The following CSMD3 variants were observed in gnomAD, a reference collection of about 807,000 sequenced individuals.
CSMD3 encodes CUB and sushi domain-containing protein 3.
A neutral mutation model predicts 435.2 loss-of-function variants in CSMD3; 177 were observed. That is an observed-to-expected ratio of 0.41 (90% CI 0.36 to 0.46). The LOEUF (loss-of-function observed/expected upper bound fraction) is 0.46. Among genes scored for constraint, CSMD3 ranks in the 20% least tolerant of loss-of-function variants. The pLI, the probability that CSMD3 is intolerant of heterozygous loss-of-function variation, is 0.34. For synonymous variants in CSMD3, 1,656 were observed against 1,520.5 expected (o/e 1.09, Z -2.07); for missense variants, 4,265 against 4,504.6 (o/e 0.95, Z 1.52).
intron 6 of CSMD3, among the ~76,000 whole-genome samples, chr8:112,994,776 A>G (rs948705465): frequency 4.1e-4 from 62 of 151,514 alleles, no homozygotes; most frequent in African/African-American, 1.3e-3. Flanking sequence ...CATATGTGCC[A>G]TGTTTACTTA....
chr8:112,638,882 A>G lies in CSMD3; in HGVS notation c.3340T>C (p.Leu1114=), dbSNP rs745321954. ...AGTAAGTAGTCATGATGGTCTTCCA[A>G]ATGAAAAGTGTGGAAGTTGAACTGC... ...GVQFNFHTFH[L]EDHHDYLLIT... is the part of the protein sequence containing the mutation. Residue 1114 remains leucine, a synonymous_variant, in exon 21 of 71, where the codon TTG becomes CTG. Transcript: ENST00000297405. 9.3e-6 allele frequency: 15 copies of G among 1,612,882 alleles called. No homozygotes were observed. Among genetic ancestry groups the G allele is most frequent in the Admixed American group, 6.7e-5 (4 of 59,842 alleles).
intron 35 of CSMD3, among the ~76,000 whole-genome samples, chr8:112,400,235 C>T (rs1831203435): frequency 6.6e-6 from 1 of 152,048 alleles, no homozygotes; most frequent in Admixed American, 6.6e-5. Context: ...CTGATGAGGG[C>T]CCTTTTCTTG....
At chr8:112,350,493 T>C (rs775119714) in intron 40 of CSMD3, among the ~76,000 whole-genome samples, 17 of 152,106 alleles carry the variant, frequency 1.1e-4, no homozygotes, top group Non-Finnish European at 2.1e-4. Flanking sequence ...TGATAACAAA[T>C]TCATTTATTT....
intron 22 of CSMD3, among the ~76,000 whole-genome samples, chr8:112,605,589 A>T (rs1832725907): frequency 6.6e-6 from 1 of 152,008 alleles, no homozygotes; most frequent in South Asian, 2.1e-4. Context: ...GTACACATGG[A>T]AACAAAGAAG....
At chr8:113,319,875 T>C (rs564355094) in intron 1 of CSMD3, among the ~76,000 whole-genome samples, 1 of 152,214 alleles carries the variant, frequency 6.6e-6, no homozygotes, top group East Asian at 1.9e-4. Flanking sequence ...CTACAATTCC[T>C]TATTGTTCTT....
At position 113,173,876 on chromosome 8, in the gene CSMD3, G is replaced by C. The variant is rs2131891740; in HGVS notation, c.555C>G (p.Pro185=). 6.2e-7 allele frequency: 1 copy of C among 1,613,702 alleles called. No homozygotes were observed. Among genetic ancestry groups the C allele is most frequent in the Non-Finnish European group, 8.5e-7 (1 of 1,179,772 alleles). The change falls in exon 4 of 71, where the codon CCC becomes CCG. Residue 185 remains proline (P), a synonymous_variant. Coordinates refer to ENST00000297405, the MANE Select transcript of CSMD3 (RefSeq NM_198123.2). ...SSSCGNPGVP[P]KGVLYGTRFD... is the part of the protein sequence containing the mutation. ...ATCTTGTGCCATATAATACACCTTT[G>C]GGTGGAACACCAGGATTTCCACAAG...
chr8:113,067,700 G>A (rs1287237515), intron 5 of CSMD3, among the ~76,000 whole-genome samples: 1 of 151,932 alleles, frequency 6.6e-6, no homozygotes, highest in African/African-American at 2.4e-5. Flanking sequence ...CAAAAATAGT[G>A]ACTTATTTTG....
intron 11 of CSMD3, among the ~76,000 whole-genome samples, chr8:112,843,057 T>C (rs1195074811): frequency 5.3e-5 from 8 of 151,824 alleles, no homozygotes. Flanking sequence ...AAAATAAACA[T>C]AAATGCTTTC....
chr8:112,265,647 G>A (rs933185582), intron 59 of CSMD3, 57 bp from the exon 60 acceptor site: 3 of 1,203,908 alleles, frequency 2.5e-6, no homozygotes, highest in Non-Finnish European at 3.7e-6. Context: ...TTAATGGAGA[G>A]GAGTAGTAAG....
chr8:112,272,884 C>T (rs1021406406), intron 59 of CSMD3, among the ~76,000 whole-genome samples: 3 of 151,976 alleles, frequency 2.0e-5, no homozygotes, highest in Non-Finnish European at 2.9e-5. Context: ...TTTATTTACG[C>T]TTTTGGTTTG....
At chr8:112,675,798 G>T (rs1480346715) in intron 16 of CSMD3, among the ~76,000 whole-genome samples, 1 of 152,046 alleles carries the variant, frequency 6.6e-6, no homozygotes, top group Admixed American at 6.6e-5. Flanking sequence ...GAATAGAACT[G>T]AATAAAAGCA....
chr8:112,802,963 G>A (rs2078994299), intron 12 of CSMD3, among the ~76,000 whole-genome samples: 1 of 151,974 alleles, frequency 6.6e-6, no homozygotes, highest in Non-Finnish European at 1.5e-5. Flanking sequence ...CAAGGATATT[G>A]CCTGCAATTC....
At chr8:113,061,160 G>C (rs1004812375) in intron 5 of CSMD3, among the ~76,000 whole-genome samples, 12 of 151,996 alleles carry the variant, frequency 7.9e-5, no homozygotes, top group African/African-American at 2.9e-4. Flanking sequence ...CTCCTTCTCA[G>C]ATCTTTTAAG....
intron 5 of CSMD3, among the ~76,000 whole-genome samples, chr8:113,082,196 C>G (rs1410882904): frequency 6.6e-6 from 1 of 152,034 alleles, no homozygotes; most frequent in Non-Finnish European, 1.5e-5. Flanking sequence ...AATGGGGCAG[C>G]TGTGCCTTTG....
chr8:112,286,786 A>C (rs1819248935), intron 58 of CSMD3, among the ~76,000 whole-genome samples: 1 of 152,134 alleles, frequency 6.6e-6, no homozygotes, highest in African/African-American at 2.4e-5. Flanking sequence ...GGAAAGAATA[A>C]ATATTTTTAA....
At chr8:112,246,752 A>T (rs1814767101) in intron 64 of CSMD3, among the ~76,000 whole-genome samples, 1 of 152,182 alleles carries the variant, frequency 6.6e-6, no homozygotes, top group Non-Finnish European at 1.5e-5. Flanking sequence ...CCTAATCATT[A>T]CCTAAAATTA....
chr8:112,403,879 A>G (rs911121428), intron 35 of CSMD3, among the ~76,000 whole-genome samples: 5 of 152,214 alleles, frequency 3.3e-5, no homozygotes, highest in African/African-American at 1.2e-4. Context: ...TAGCTAAAAG[A>G]TAAGAAAATT....
At chr8:113,154,702 G>T (rs918653846) in intron 4 of CSMD3, among the ~76,000 whole-genome samples, 24 of 152,138 alleles carry the variant, frequency 1.6e-4, no homozygotes, top group African/African-American at 5.8e-4. Flanking sequence ...AGAATGGAAT[G>T]CTGAAACAAC....
intron 1 of CSMD3, among the ~76,000 whole-genome samples, chr8:113,337,552 A>C (rs2094085867): frequency 6.6e-6 from 1 of 152,156 alleles, no homozygotes; most frequent in Admixed American, 6.6e-5. Context: ...ACATAGAAGT[A>C]AAACTTTATG....
Sources: gnomAD v4.1 joint callset for allele counts (sites outside exome capture counted in the v4.1 genomes callset) on GRCh38, gnomAD v4.1.1 for gene constraint, MANE v1.5 for transcripts, NCBI Gene and HGNC (gene_info 2026-07-23, HGNC 2026-07-21) for gene names.